Variants in PLCG2 observed in about 807,000 individuals in gnomAD.
PLCG2 encodes 1-phosphatidylinositol 4,5-bisphosphate phosphodiesterase gamma-2.
PLCG2 carries 69 observed loss-of-function variants against 175.6 expected under a neutral mutation model. The observed-to-expected ratio is 0.39, with a 90% CI of 0.32 to 0.48. PLCG2 has a LOEUF of 0.48. Ranked by LOEUF, PLCG2 falls within the 20% of genes least tolerant of loss-of-function variation. PLCG2 has a pLI of 0.91. For synonymous variants in PLCG2, 827 were observed against 624.0 expected (o/e 1.33, Z -4.85); for missense variants, 1,798 against 1,650.9 (o/e 1.09, Z -1.54).
chr16:81,845,231 G>T (rs1021427369), intron 2 of PLCG2, among the ~76,000 whole-genome samples: 3 of 152,186 alleles, frequency 2.0e-5, no homozygotes, highest in African/African-American at 7.2e-5. Context: ...ATGAGCCATT[G>T]TTCCCTGTCC....
At chr16:81,883,569 G>T in intron 9 of PLCG2, 1 of 581,712 alleles carries the variant, frequency 1.7e-6, no homozygotes, top group South Asian at 2.0e-5. Context: ...CTCATGTCGG[G>T]CCTCTTTTGA....
At chr16:81,824,221 C>T (rs1240516640) in intron 2 of PLCG2, among the ~76,000 whole-genome samples, 1 of 151,530 alleles carries the variant, frequency 6.6e-6, no homozygotes, top group Admixed American at 6.6e-5. Context: ...GCAACCTCCA[C>T]CTCCCGGCTT....
chr16:81,852,505 T>C (rs1011184910), intron 2 of PLCG2, among the ~76,000 whole-genome samples: 1 of 152,184 alleles, frequency 6.6e-6, no homozygotes, highest in African/African-American at 2.4e-5. Flanking sequence ...CTTGTGTCTC[T>C]GTGCCAGTCC....
At chr16:81,881,551 A>T (rs1448381070) in intron 8 of PLCG2, among the ~76,000 whole-genome samples, 1 of 152,200 alleles carries the variant, frequency 6.6e-6, no homozygotes, top group African/African-American at 2.4e-5. Flanking sequence ...GGGTACGTTG[A>T]TCCAGTCTTT....
rs562606871 is a variant in PLCG2 at position 81,917,946 on chromosome 16, C to G, written c.2055-1538C>G. ...CCATGTTGGCCAGGCTGGTATCGAA[C>G]TCCTGACCTCAAGTGATCTGCCTGC... is the stretch of plus-strand genomic sequence containing the variant. On this transcript the variant is annotated intron_variant, in intron 19 of 32. Transcript: ENST00000564138. Among the ~76,000 whole-genome samples the G allele has an allele frequency of 3.9e-5, 6 of 152,306 alleles. No homozygotes were observed. In the East Asian group the frequency reaches 1.2e-3, roughly 29 times the overall value.
In PLCG2 at chr16:81,958,098, G is replaced by C; in HGVS notation, c.*100G>C. 1 of 833,726 alleles carries C rather than the reference G, an allele frequency of 1.2e-6. No individual in the cohort carries two copies. The highest frequency in any genetic ancestry group is 1.4e-5 in the South Asian group (1 of 69,644). The allele number at this position is 833,726 out of a possible 1,614,324, so 51.6% of individuals were successfully genotyped here. A position where few individuals can be genotyped will look rare whatever the true frequency, so the allele number is the denominator to read the frequency against. On this transcript the variant is annotated 3_prime_UTR_variant, in exon 33 of 33. Coordinates refer to ENST00000564138, the MANE Select transcript of PLCG2 (RefSeq NM_002661.5). ...ACACTCTGGGAAGACGCTAATCTGTGACATCTTTTCTTCAAGCCTGCCATC... is the reference window on the plus strand; with the variant it reads ...ACACTCTGGGAAGACGCTAATCTGTCACATCTTTTCTTCAAGCCTGCCATC...
intron 2 of PLCG2, among the ~76,000 whole-genome samples, chr16:81,844,164 TTTG>T (rs1461191199): frequency 1.3e-5 from 2 of 148,258 alleles, no homozygotes; most frequent in African/African-American, 2.5e-5. Context: ...TTTTTTTTTT[TTTG>T]GTATTTTTAG....
intron 2 of PLCG2, among the ~76,000 whole-genome samples, chr16:81,823,585 G>A (rs1345981970): frequency 6.6e-6 from 1 of 152,168 alleles, no homozygotes; most frequent in Non-Finnish European, 1.5e-5. Context: ...GAGGGCAGTA[G>A]TGTGATCATA....
In PLCG2 at chr16:81,890,625, A is replaced by G. The variant is rs148124361; in HGVS notation, c.868-847A>G. Among the ~76,000 whole-genome samples, 3 of 152,330 alleles carry G rather than the reference A, an allele frequency of 2.0e-5. No individual in the cohort carries two copies. In the East Asian group the frequency reaches 5.8e-4, roughly 29 times the overall value. ...GAAGGTGTCTGGGTGCTTGCTGGTCAGAATGGTTGCCTTTGACCTTGCATA... is the reference window on the plus strand; with the variant it reads ...GAAGGTGTCTGGGTGCTTGCTGGTCGGAATGGTTGCCTTTGACCTTGCATA... On this transcript the variant is annotated intron_variant, in intron 10 of 32. Coordinates refer to ENST00000564138, the MANE Select transcript of PLCG2 (RefSeq NM_002661.5).
chr16:81,808,852 C>T (rs893187707), intron 2 of PLCG2, among the ~76,000 whole-genome samples: 1 of 152,170 alleles, frequency 6.6e-6, no homozygotes, highest in Non-Finnish European at 1.5e-5. Context: ...CTGTTTCCCC[C>T]TATGCAAAAT....
At chr16:81,853,094 G>A (rs1906501179) in intron 2 of PLCG2, among the ~76,000 whole-genome samples, 1 of 152,202 alleles carries the variant, frequency 6.6e-6, no homozygotes, top group African/African-American at 2.4e-5. Flanking sequence ...ACTTTGGGAG[G>A]CTGAGGTGGG....
intron 2 of PLCG2, among the ~76,000 whole-genome samples, chr16:81,795,508 A>G (rs918894292): frequency 3.9e-5 from 6 of 152,088 alleles, no homozygotes; most frequent in African/African-American, 1.4e-4. Context: ...ATCCAGTGGG[A>G]TTGGGGGTGG....
chr16:81,869,312 C>T lies in PLCG2; in HGVS notation c.564+14C>T. 6.3e-7 allele frequency: 1 copy of T among 1,587,626 alleles called. No homozygotes were observed. Among genetic ancestry groups the T allele is most frequent in the Non-Finnish European group, 8.7e-7 (1 of 1,155,866 alleles). On this transcript the variant is annotated intron_variant, in intron 6 of 32. Coordinates refer to ENST00000564138, the MANE Select transcript of PLCG2 (RefSeq NM_002661.5). ...GATAAGTTTGTGGTAAGTTTCATGGCTCAGCCTGGGAATTTTATGAATGCG... is the reference window on the plus strand; with the variant it reads ...GATAAGTTTGTGGTAAGTTTCATGGTTCAGCCTGGGAATTTTATGAATGCG...
intron 13 of PLCG2, chr16:81,898,479 G>C (rs570757109): frequency 6.6e-6 from 1 of 152,206 alleles, no homozygotes; most frequent in African/African-American, 2.4e-5. Context: ...CGCTTCCCAG[G>C]AGTGATGAGG....
At chr16:81,780,316 G>T (rs895818435) in intron 1 of PLCG2, among the ~76,000 whole-genome samples, 6 of 152,240 alleles carry the variant, frequency 3.9e-5, no homozygotes, top group Admixed American at 3.9e-4. Flanking sequence ...TTCCAGGGCT[G>T]TGTCGAGAAT....
chr16:81,870,849 C>T lies in PLCG2; in HGVS notation c.565-3C>T, dbSNP rs566533748. ...CATGTGGTCACTTTTTTCATATTTA[C>T]AGGAAATAGGAGCACACAAAGATGA... On this transcript the variant is annotated splice_region_variant and splice_polypyrimidine_tract_variant and intron_variant, in intron 6 of 32. Coordinates refer to ENST00000564138, the MANE Select transcript of PLCG2 (RefSeq NM_002661.5). 1.9e-6 allele frequency: 3 copies of T among 1,559,182 alleles called. No individual in the cohort carries two copies. The highest frequency in any genetic ancestry group is 1.8e-5 in the Admixed American group (1 of 54,572).
In PLCG2 at chr16:81,958,361, T is replaced by C. The variant is rs1911658511; in HGVS notation, c.*363T>C. The C allele has an allele frequency of 3.7e-6, 1 of 267,772 alleles. No homozygotes were observed. 16.6% of individuals were successfully genotyped at this position (267,772 alleles called of 1,614,324 possible). On this transcript the variant is annotated 3_prime_UTR_variant, in exon 33 of 33. Transcript: ENST00000564138. ...ATTTCTTTTCTGGCCAAGAAGATTC[T>C]ACCTCTAATGATCCAGGTAACTGAT... is the stretch of plus-strand genomic sequence containing the variant.
chr16:81,902,206 G>C (rs1909180738), intron 14 of PLCG2, among the ~76,000 whole-genome samples: 1 of 152,218 alleles, frequency 6.6e-6, no homozygotes, highest in Non-Finnish European at 1.5e-5. Flanking sequence ...TTTCATGGAA[G>C]GAGCGAGTGT....
intron 2 of PLCG2, among the ~76,000 whole-genome samples, chr16:81,849,752 C>T (rs548177403): frequency 1.5e-5 from 1 of 66,758 alleles, no homozygotes; most frequent in Non-Finnish European, 2.5e-5. Context: ...GCCTGGGCAA[C>T]AAGAGCAAAA....
Sources: allele counts gnomAD v4.1 joint callset (sites outside exome capture counted in the v4.1 genomes callset), GRCh38; gene constraint gnomAD v4.1.1; transcripts MANE v1.5; gene names NCBI Gene and HGNC (gene_info 2026-07-23, HGNC 2026-07-21).